The following ZFAND3 variants were observed in gnomAD, a reference collection of about 807,000 sequenced individuals.
ZFAND3 encodes the protein AN1-type zinc finger protein 3.
ZFAND3 carries 10 observed loss-of-function variants against 29.6 expected under a neutral mutation model. That is an observed-to-expected ratio of 0.34 (90% confidence interval 0.21 to 0.57). The LOEUF (loss-of-function observed/expected upper bound fraction) is 0.57, where lower values mean the gene tolerates loss of function less well. Among genes scored for constraint, ZFAND3 ranks in the 20% least tolerant of loss-of-function variants. The pLI, the probability that ZFAND3 is intolerant of heterozygous loss-of-function variation, is 0.86. For missense variants in ZFAND3, 230 were observed against 304.5 expected (o/e 0.76, Z 1.82); for synonymous variants, 128 against 112.6 (o/e 1.14, Z -0.87).
intron 3 of ZFAND3, among the ~76,000 whole-genome samples, chr6:38,068,201 A>T (rs545534027): frequency 3.3e-5 from 5 of 152,372 alleles, no homozygotes; most frequent in African/African-American, 1.2e-4. Context: ...CTACAGGCCA[A>T]ATCCAGCCTA....
intron 1 of ZFAND3, among the ~76,000 whole-genome samples, chr6:37,924,881 G>C (rs1761454469): frequency 1.3e-5 from 2 of 152,070 alleles, no homozygotes; most frequent in Admixed American, 6.6e-5. Flanking sequence ...GTTTGAACTA[G>C]GATATGAGCA....
chr6:38,014,691 C>T (rs1311388258), intron 2 of ZFAND3, among the ~76,000 whole-genome samples: 2 of 152,160 alleles, frequency 1.3e-5, no homozygotes, highest in East Asian at 3.9e-4. Flanking sequence ...CTTCAATCAT[C>T]TCTTTTCATT....
intron 4 of ZFAND3, among the ~76,000 whole-genome samples, chr6:38,105,231 T>TA (rs1419271114): frequency 1.3e-5 from 2 of 152,190 alleles, no homozygotes; most frequent in Non-Finnish European, 2.9e-5. Flanking sequence ...CCTTCCATGA[T>TA]AAGTGGCCTT....
intron 4 of ZFAND3, among the ~76,000 whole-genome samples, chr6:38,100,586 C>T (rs1234259242): frequency 6.6e-6 from 1 of 152,176 alleles, no homozygotes; most frequent in Non-Finnish European, 1.5e-5. Context: ...TGAGTTCTGA[C>T]CCTACTGTTG....
chr6:37,972,167 G>A (rs1014444618), intron 2 of ZFAND3, among the ~76,000 whole-genome samples: 6 of 152,074 alleles, frequency 3.9e-5, no homozygotes, highest in African/African-American at 1.4e-4. Context: ...AGGCTTGGTA[G>A]GACCCAGCTG....
chr6:37,900,359 T>C (rs11756713), intron 1 of ZFAND3, among the ~76,000 whole-genome samples: 32,590 of 152,080 alleles, frequency 0.21, 4,301 homozygotes, highest in African/African-American at 0.36. Context: ...TTTTACTCTC[T>C]TGGAATAGGC....
intron 1 of ZFAND3, among the ~76,000 whole-genome samples, chr6:37,910,808 G>A (rs1425811287): frequency 6.6e-6 from 1 of 152,004 alleles, no homozygotes; most frequent in Non-Finnish European, 1.5e-5. Flanking sequence ...TTTGTCATTC[G>A]GTGTCTGGCT....
chr6:37,990,370 T>G (rs1287071401), intron 2 of ZFAND3, among the ~76,000 whole-genome samples: 1 of 152,108 alleles, frequency 6.6e-6, no homozygotes, highest in Non-Finnish European at 1.5e-5. Context: ...ACAGTTTGCT[T>G]TCTTTGAACC....
chr6:38,112,745 G>T (rs1288928747), intron 4 of ZFAND3, among the ~76,000 whole-genome samples: 1 of 152,012 alleles, frequency 6.6e-6, no homozygotes, highest in Non-Finnish European at 1.5e-5. Context: ...TCATTATCAT[G>T]TCGTTAGAAC....
intron 1 of ZFAND3, among the ~76,000 whole-genome samples, chr6:37,875,773 C>G (rs1008429301): frequency 6.6e-5 from 10 of 151,950 alleles, no homozygotes; most frequent in Admixed American, 1.3e-4. Context: ...ATCCTCCCGC[C>G]TCAGCCTCAC....
intron 1 of ZFAND3, among the ~76,000 whole-genome samples, chr6:37,859,687 A>C (rs139850812): frequency 0.011 from 1,659 of 152,300 alleles, 19 homozygotes; most frequent in Non-Finnish European, 0.017. Flanking sequence ...AATGGCTTGC[A>C]AATATTGTGG....
intron 1 of ZFAND3, among the ~76,000 whole-genome samples, chr6:37,902,288 T>TTATTGTATTTTGTATTTTTAATACAAAAA (rs1765332243): frequency 1.3e-5 from 2 of 151,966 alleles, no homozygotes; most frequent in African/African-American, 2.4e-5. Context: ...AAATACAAAA[T>TTATTGTATTTTGTATTTTTAATACAAAAA]TATTGTATTT....
At chr6:38,095,542 A>G (rs1764961734) in intron 4 of ZFAND3, among the ~76,000 whole-genome samples, 1 of 151,940 alleles carries the variant, frequency 6.6e-6, no homozygotes, top group Non-Finnish European at 1.5e-5. Flanking sequence ...TTCCTCTCCA[A>G]TCTGAACTAG....
At chr6:37,842,892 T>G (rs7759145) in intron 1 of ZFAND3, among the ~76,000 whole-genome samples, 32,495 of 149,402 alleles carry the variant, frequency 0.22, 4,288 homozygotes, top group African/African-American at 0.37. Context: ...GAGGCCGAGG[T>G]GGGTGGGTCA....
chr6:37,929,029 C>T (rs1348509396), intron 1 of ZFAND3, among the ~76,000 whole-genome samples: 5 of 152,074 alleles, frequency 3.3e-5, no homozygotes, highest in Non-Finnish European at 5.9e-5. Context: ...TCTAAGACCC[C>T]CTTCTAAGTT....
At chr6:37,922,865 G>A (rs553662262) in intron 1 of ZFAND3, among the ~76,000 whole-genome samples, 2 of 152,210 alleles carry the variant, frequency 1.3e-5, no homozygotes, top group Non-Finnish European at 2.9e-5. Flanking sequence ...TGAATGAGTA[G>A]TGAGTGAATG....
intron 4 of ZFAND3, among the ~76,000 whole-genome samples, chr6:38,104,697 G>A (rs912505262): frequency 4.6e-5 from 7 of 152,130 alleles, no homozygotes; most frequent in African/African-American, 1.7e-4. Flanking sequence ...TAAGAGCAGA[G>A]AACAAGTAGA....
chr6:37,830,121 G>A (rs1182897549), intron 1 of ZFAND3, among the ~76,000 whole-genome samples: 1 of 152,162 alleles, frequency 6.6e-6, no homozygotes, highest in African/African-American at 2.4e-5. Flanking sequence ...TGGAGTTAGG[G>A]ACAGGAAGAG....
At chr6:38,059,347 C>T (rs911898294) in intron 2 of ZFAND3, among the ~76,000 whole-genome samples, 23 of 152,030 alleles carry the variant, frequency 1.5e-4, no homozygotes, top group African/African-American at 5.1e-4. Context: ...ATTATTATAC[C>T]GTGTATATCT....
Sources: allele counts gnomAD v4.1 joint callset (sites outside exome capture counted in the v4.1 genomes callset), GRCh38; gene constraint gnomAD v4.1.1; transcripts MANE v1.5; gene names NCBI Gene and HGNC (gene_info 2026-07-23, HGNC 2026-07-21).